The following GRM8 variants were observed in gnomAD, a reference collection of about 807,000 sequenced individuals.
The protein encoded by GRM8 is glutamate metabotropic receptor 8, also known as metabotropic glutamate receptor 8.
A neutral mutation model predicts 87.2 loss-of-function variants in GRM8; 47 were observed. The observed-to-expected ratio is 0.54, with a 90% CI of 0.43 to 0.69. The LOEUF (loss-of-function observed/expected upper bound fraction) is 0.69. Among genes scored for constraint, GRM8 ranks in the 30% least tolerant of loss-of-function variants. The pLI is 0.00. For missense variants in GRM8, 1,019 were observed against 1,139.2 expected, an observed-to-expected ratio of 0.89 and a Z score of 1.52; for synonymous variants, 396 against 404.5, an observed-to-expected ratio of 0.98 and a Z score of 0.25.
chr7:127,160,527 A>G (rs1384945465), intron 2 of GRM8, among the ~76,000 whole-genome samples: 4 of 149,768 alleles, frequency 2.7e-5, no homozygotes, highest in African/African-American at 7.5e-5. Flanking sequence ...AGGCTCCATC[A>G]CGCGCGCGCA....
chr7:127,223,914 TAAA>T (rs71177597), intron 2 of GRM8, among the ~76,000 whole-genome samples: 22 of 133,764 alleles, frequency 1.6e-4, no homozygotes, highest in African/African-American at 4.5e-4. Context: ...AAATGAAATG[TAAA>T]AAAAAAAAAA....
chr7:126,809,806 C>T (rs1330018108), intron 6 of GRM8, among the ~76,000 whole-genome samples: 1 of 152,064 alleles, frequency 6.6e-6, no homozygotes, highest in African/African-American at 2.4e-5. Context: ...TATACTCTGA[C>T]AGTCATGCCT....
chr7:127,235,043 T>C (rs1432517801), intron 2 of GRM8, among the ~76,000 whole-genome samples: 1 of 152,238 alleles, frequency 6.6e-6, no homozygotes, highest in Non-Finnish European at 1.5e-5. Flanking sequence ...CCTGACTTAT[T>C]CTAGAAAGGT....
intron 3 of GRM8, among the ~76,000 whole-genome samples, chr7:126,988,058 AC>A: frequency 6.9e-6 from 1 of 145,274 alleles, no homozygotes; most frequent in Non-Finnish European, 1.5e-5. Flanking sequence ...AATTAAAGAC[AC>A]TAAAGCTCTT....
In GRM8 at chr7:127,188,216, G is replaced by A. The variant is rs545476917; in HGVS notation, c.510+54479C>T. ...ATTGATAACTCCACTTTATAGATGA[G>A]AAAACTGAAACACAGGTTAATACAT... On this transcript the variant is annotated intron_variant, in intron 2 of 10. Coordinates refer to ENST00000339582, the MANE Select transcript of GRM8 (RefSeq NM_000845.3). 2.0e-5 allele frequency among the ~76,000 whole-genome samples: 3 copies of A among 152,246 alleles called. No individual in the cohort carries two copies. The East Asian group carries it at 5.8e-4, about 29-fold the overall frequency.
At chr7:126,643,138 A>G (rs1386665079) in intron 7 of GRM8, among the ~76,000 whole-genome samples, 1 of 151,242 alleles carries the variant, frequency 6.6e-6, no homozygotes, top group East Asian at 1.9e-4. Flanking sequence ...AAAATACAAA[A>G]AAATGGCTGG....
At chr7:126,988,564 C>CT (rs965373311) in intron 3 of GRM8, among the ~76,000 whole-genome samples, 34 of 152,142 alleles carry the variant, frequency 2.2e-4, no homozygotes, top group Admixed American at 1.8e-3. Flanking sequence ...GCTAGGTACT[C>CT]TATTGGGTGT....
chr7:126,971,124 C>T lies in GRM8; in HGVS notation c.728-66441G>A, dbSNP rs149171891. 1.9e-3 allele frequency among the ~76,000 whole-genome samples: 258 copies of T among 135,532 alleles called. 2 individuals carry two copies. The highest frequency in any genetic ancestry group is 6.9e-3 in the African/African-American group (247 of 35,910). 88.9% of individuals were successfully genotyped at this position (135,532 alleles called of 152,430 possible). On this transcript the variant is annotated intron_variant, in intron 3 of 10. Coordinates refer to ENST00000339582, the MANE Select transcript of GRM8 (RefSeq NM_000845.3). ...TGGAAAAATGTCACCAATAGACTTG[C>T]TCAATGTAGGGTTGCCACAAAATTT...
intron 3 of GRM8, among the ~76,000 whole-genome samples, chr7:127,076,800 A>G (rs1168676725): frequency 6.6e-6 from 1 of 152,234 alleles, no homozygotes; most frequent in Non-Finnish European, 1.5e-5. Context: ...TGCCCTTCTA[A>G]GTAAGGACTG....
Position 127,226,107 on chromosome 7 carries a change from A to G in GRM8, c.510+16588T>C, listed in dbSNP as rs184395561. On this transcript the variant is annotated intron_variant, in intron 2 of 10. Coordinates refer to ENST00000339582, the MANE Select transcript of GRM8 (RefSeq NM_000845.3). ...AATCAGTAGTGGCACTGGTAACTTT[A>G]AATATTAAAATCTACAATAGGAAAA... Among the ~76,000 whole-genome samples, 34 of 152,362 alleles carry G rather than the reference A, an allele frequency of 2.2e-4. 2 individuals are homozygous for G. In the East Asian group the frequency reaches 6.2e-3, roughly 28 times the overall value.
chr7:126,981,761 A>C (rs896435599), intron 3 of GRM8: 2 of 152,024 alleles, frequency 1.3e-5, no homozygotes, highest in Admixed American at 6.6e-5. Context: ...GGCTTTTCTC[A>C]TCCTCTTCAC....
At chr7:127,094,414 G>A (rs1007017272) in intron 3 of GRM8, among the ~76,000 whole-genome samples, 1 of 152,178 alleles carries the variant, frequency 6.6e-6, no homozygotes, top group African/African-American at 2.4e-5. Flanking sequence ...TTCACCCAAA[G>A]AACCAGAACA....
intron 6 of GRM8, among the ~76,000 whole-genome samples, chr7:126,805,942 A>T (rs1792635738): frequency 6.6e-6 from 1 of 152,166 alleles, no homozygotes; most frequent in Admixed American, 6.5e-5. Context: ...GTCACCAACA[A>T]AACTGGACGA....
chr7:127,038,407 C>T (rs913142786), intron 3 of GRM8, among the ~76,000 whole-genome samples: 2 of 152,192 alleles, frequency 1.3e-5, no homozygotes, highest in Admixed American at 1.3e-4. Context: ...TGAACTTACC[C>T]TTAAAGAAAA....
chr7:126,908,927 T>C (rs1445660802), intron 3 of GRM8, among the ~76,000 whole-genome samples: 7 of 152,208 alleles, frequency 4.6e-5, no homozygotes, highest in Admixed American at 2.0e-4. Flanking sequence ...AAATTATTTC[T>C]CAAATGATTG....
At chr7:126,959,970 T>A (rs145807683) in intron 3 of GRM8, among the ~76,000 whole-genome samples, 1 of 152,332 alleles carries the variant, frequency 6.6e-6, no homozygotes, top group East Asian at 1.9e-4. Context: ...AAGTAATTAT[T>A]ACAATGCCTA....
intron 3 of GRM8, among the ~76,000 whole-genome samples, chr7:127,064,399 C>T (rs7804002): frequency 0.98 from 149,050 of 152,316 alleles, 72,942 homozygotes; most frequent in East Asian, 1. Flanking sequence ...TTTTATTCTT[C>T]GTTGGTTTGA....
rs191854895 is a variant in GRM8 at position 126,841,884 on chromosome 7, G to A, written c.1156+60658C>T. Among the ~76,000 whole-genome samples, 50 of 151,890 alleles carry A rather than the reference G, an allele frequency of 3.3e-4. 1 individual carries two copies. Among genetic ancestry groups the A allele is most frequent in the Admixed American group, 1.3e-3 (20 of 15,250 alleles). ...CCTGACCTCGTTATCTGCCCGCCTC[G>A]GCCTCCTAAAATGCTGGGATTACAG... On this transcript the variant is annotated intron_variant, in intron 6 of 10. Transcript: ENST00000339582.
chr7:126,800,780 T>C (rs1463206527), intron 6 of GRM8, among the ~76,000 whole-genome samples: 1 of 151,986 alleles, frequency 6.6e-6, no homozygotes, highest in Non-Finnish European at 1.5e-5. Flanking sequence ...TTCCCTGCCT[T>C]GAGAAAGACT....
Sources: gnomAD v4.1 joint callset for allele counts (sites outside exome capture counted in the v4.1 genomes callset) on GRCh38, gnomAD v4.1.1 for gene constraint, MANE v1.5 for transcripts, NCBI Gene and HGNC (gene_info 2026-07-23, HGNC 2026-07-21) for gene names.